The following HEG1 variants were observed in gnomAD, a reference collection of about 807,000 sequenced individuals.
The protein encoded by HEG1 is heart development protein with EGF like domains 1.
A neutral mutation model predicts 125.6 loss-of-function variants in HEG1; 56 were observed. The observed-to-expected ratio is 0.45, with a 90% confidence interval of 0.36 to 0.56. The LOEUF (loss-of-function observed/expected upper bound fraction) is 0.56, where lower values mean the gene tolerates loss of function less well. HEG1 is among the 20% of genes least tolerant of loss of function. The pLI is 0.00. For missense variants in HEG1, 1,523 were observed against 1,670.0 expected (o/e 0.91, Z 1.53); for synonymous variants, 644 against 668.5 (o/e 0.96, Z 0.57).
chr3:125,052,816 C>T (rs527344752), intron 1 of HEG1, among the ~76,000 whole-genome samples: 6 of 152,308 alleles, frequency 3.9e-5, no homozygotes, highest in African/African-American at 1.4e-4. Context: ...TCTCCAGGGA[C>T]TTACAGTCTA....
chr3:125,027,551 A>G (rs1937435955), intron 2 of HEG1, 44 bp from the exon 3 acceptor site: 1 of 1,505,668 alleles, frequency 6.6e-7, no homozygotes, highest in Non-Finnish European at 9.0e-7. Flanking sequence ...AGCAGACTTC[A>G]AAATGTCTTA....
intron 1 of HEG1, among the ~76,000 whole-genome samples, chr3:125,032,421 G>C (rs967384978): frequency 6.6e-6 from 1 of 152,192 alleles, no homozygotes; most frequent in African/African-American, 2.4e-5. Context: ...CTTCCTGGAG[G>C]GGGAGGGAAG....
chr3:124,983,421 C>CA (rs35027050), intron 14 of HEG1, among the ~76,000 whole-genome samples: 50,124 of 151,380 alleles, frequency 0.33, 8,783 homozygotes, highest in East Asian at 0.48. Flanking sequence ...ACTGTAACCT[C>CA]ACCCCCCAGC....
rs1412806923 is a variant in HEG1 at position 124,973,804 on chromosome 3, C to A, written c.3923G>T (p.Gly1308Val). Residue 1308 changes from glycine (G) to valine (V), a missense_variant, in exon 16 of 17, where the codon GGC becomes GTC. Coordinates refer to ENST00000311127, the MANE Select transcript of HEG1 (RefSeq NM_020733.2). Reference sequence around the variant, plus strand: ...CTCATGCATTTCAATAGCTTCTCGGCCCCATTCTTGTGAGCGAGGATTTTT... The same window carrying A: ...CTCATGCATTTCAATAGCTTCTCGGACCCATTCTTGTGAGCGAGGATTTTT... ...YPKNPRSQEW[G>V]REAIEMHENG... 2 of 1,613,730 alleles carry A rather than the reference C, an allele frequency of 1.2e-6. No homozygotes were observed. Among genetic ancestry groups the A allele is most frequent in the South Asian group, 2.2e-5 (2 of 91,080 alleles).
intron 15 of HEG1, among the ~76,000 whole-genome samples, chr3:124,976,074 T>C (rs1007284147): frequency 1.3e-5 from 2 of 152,226 alleles, no homozygotes; most frequent in African/African-American, 4.8e-5. Context: ...TGTCTTTAAC[T>C]TTCAGACTTT....
rs1164677705 is a variant in HEG1 at position 125,010,464 on chromosome 3, G to A, written c.3048C>T (p.Ser1016=). The change falls in exon 7 of 17, where the codon TCC becomes TCT. Residue 1016 remains serine (S), a synonymous_variant. Transcript: ENST00000311127. ...SRGYHCRCPP[S]WQGDDCSVDV... is the part of the protein sequence containing the mutation. The stretch of plus-strand genomic sequence containing the variant: ...CCACACTGCAATCATCCCCTTGCCA[G>A]GAAGGCGGGCACCTGCAGTGGTAGC... 6.4e-7 allele frequency: 1 copy of A among 1,556,196 alleles called. No homozygotes were observed. The highest frequency in any genetic ancestry group is 8.7e-7 in the Non-Finnish European group (1 of 1,149,136).
chr3:125,010,468 G>A lies in HEG1; in HGVS notation c.3044C>T (p.Pro1015Leu). Residue 1015 changes from proline (P) to leucine (L), a missense_variant, in exon 7 of 17, where the codon CCT becomes CTT. Physicochemically the swap from Pro to Leu is moderately conservative, Grantham distance 98. Coordinates refer to ENST00000311127, the MANE Select transcript of HEG1 (RefSeq NM_020733.2). Reference protein sequence around the residue: ...TSRGYHCRCPPSWQGDDCSVD... With the variant: ...TSRGYHCRCPLSWQGDDCSVD... ...ACTGCAATCATCCCCTTGCCAGGAA[G>A]GCGGGCACCTGCAGTGGTAGCCACG... The A allele has an allele frequency of 6.4e-7, 1 of 1,557,314 alleles. No homozygotes were observed. Among genetic ancestry groups the A allele is most frequent in the Non-Finnish European group, 8.7e-7 (1 of 1,149,652 alleles).
At chr3:125,007,198 CAAAAAAAAA>C (rs1212172102) in intron 8 of HEG1, among the ~76,000 whole-genome samples, 2 of 54,708 alleles carry the variant, frequency 3.7e-5, no homozygotes, top group East Asian at 5.7e-4. Flanking sequence ...GACTCCGTCT[CAAAAAAAAA>C]AAAAAAAAAA....
chr3:125,016,664 T>C (rs543462524), intron 5 of HEG1, among the ~76,000 whole-genome samples: 12 of 152,338 alleles, frequency 7.9e-5, no homozygotes, highest in Non-Finnish European at 1.3e-4. Flanking sequence ...GCATATGCTT[T>C]TCCACATCAC....
chr3:125,020,876 T>A lies in HEG1; in HGVS notation c.1168A>T (p.Asn390Tyr). Residue 390 changes from asparagine (N) to tyrosine (Y), a missense_variant, in exon 4 of 17, where the codon AAT becomes TAT. Transcript: ENST00000311127. ...ESRRNSRVTG[N>Y]PGDEEFIEPS... The stretch of plus-strand genomic sequence containing the variant: ...TCAATGAATTCCTCATCCCCTGGAT[T>A]CCCAGTTACTCTACTGTTTCTTCTC... The A allele has an allele frequency of 6.2e-7, 1 of 1,614,046 alleles. No homozygotes were observed. The highest frequency in any genetic ancestry group is 1.7e-5 in the Admixed American group (1 of 60,024).
chr3:125,031,753 C>CATGCACACATACACAT (rs1937506084), intron 1 of HEG1, among the ~76,000 whole-genome samples: 2 of 151,504 alleles, frequency 1.3e-5, no homozygotes, highest in African/African-American at 4.9e-5. Context: ...CACACATACA[C>CATGCACACATACACAT]ATGCACACAT....
intron 14 of HEG1, among the ~76,000 whole-genome samples, chr3:124,980,880 G>C (rs1936637566): frequency 6.7e-6 from 1 of 148,752 alleles, no homozygotes; most frequent in Non-Finnish European, 1.5e-5. Flanking sequence ...TTTTGAGACA[G>C]GTCTCACTAT....
In HEG1 at chr3:125,055,981, G is replaced by A. The variant is rs1937933809; in HGVS notation, c.-91C>T. 3 of 666,232 alleles carry A rather than the reference G, an allele frequency of 4.5e-6. No individual in the cohort carries two copies. The highest frequency in any genetic ancestry group is 6.4e-5 in the South Asian group (1 of 15,714). The allele number at this position is 666,232 out of a possible 1,614,324, so 41.3% of individuals were successfully genotyped here. On this transcript the variant is annotated 5_prime_UTR_variant, in exon 1 of 17. Transcript: ENST00000311127. ...CGGGCGGCGGGGGCCGCGCGGGGCC[G>A]GGGAAGTGAGCGGAGTGAGGCTGCG... is the stretch of plus-strand genomic sequence containing the variant.
At position 125,012,624 on chromosome 3, in the gene HEG1, T is replaced by C; in HGVS notation, c.2955A>G (p.Ser985=). 6.2e-7 allele frequency: 1 copy of C among 1,611,612 alleles called. No individual in the cohort carries two copies. Among genetic ancestry groups the C allele is most frequent in the Non-Finnish European group, 8.5e-7 (1 of 1,178,684 alleles). The change falls in exon 6 of 17, where the codon TCA becomes TCG. Residue 985 remains serine, a splice_region_variant and synonymous_variant. Coordinates refer to ENST00000311127, the MANE Select transcript of HEG1 (RefSeq NM_020733.2). ...TGTGCTTGTGTGACTGTGTTTTACC[T>C]GAGGCTGAAGAGGACACTGTTGTTG... ...QSPTTVSSSA[S]VNSCAVNPCL...
chr3:125,037,672 G>A (rs1691136861), intron 1 of HEG1, among the ~76,000 whole-genome samples: 1 of 152,228 alleles, frequency 6.6e-6, no homozygotes, highest in African/African-American at 2.4e-5. Context: ...GCTGCCTTCT[G>A]TGGTTACACC....
At position 125,013,001 on chromosome 3, in the gene HEG1, G is replaced by A. The variant is rs1206386231; in HGVS notation, c.2578C>T (p.Leu860=). 2.5e-6 allele frequency: 4 copies of A among 1,614,038 alleles called. No individual in the cohort carries two copies. The highest frequency in any genetic ancestry group is 3.3e-5 in the Admixed American group (2 of 60,020). Residue 860 remains leucine, a synonymous_variant, in exon 6 of 17, where the codon CTG becomes TTG. Coordinates refer to ENST00000311127, the MANE Select transcript of HEG1 (RefSeq NM_020733.2). ...GTGACCAGAGATGCTGTGCTTGACA[G>A]GGTGCCAGGAGTGGTCATAAGAGGC... ...SQPLMTTPGT[L]SSTASLVTGP...
At chr3:125,003,507 C>T (rs1215714407) in intron 9 of HEG1, among the ~76,000 whole-genome samples, 1 of 152,212 alleles carries the variant, frequency 6.6e-6, no homozygotes, top group Non-Finnish European at 1.5e-5. Context: ...GGCCTTTGCT[C>T]TTGGATCCTG....
Position 125,002,031 on chromosome 3 carries a change from G to C in HEG1, c.3357-19C>G. 1 of 1,613,540 alleles carries C rather than the reference G, an allele frequency of 6.2e-7. No homozygotes were observed. Among genetic ancestry groups the C allele is most frequent in the Non-Finnish European group, 8.5e-7 (1 of 1,179,686 alleles). On this transcript the variant is annotated intron_variant, in intron 10 of 16. Transcript: ENST00000311127. ...GGACTCCCTATAGGCAAAGTTTGTGGGTTTTTAACAGCCCTGAAATGACAC... is the reference window on the plus strand; with the variant it reads ...GGACTCCCTATAGGCAAAGTTTGTGCGTTTTTAACAGCCCTGAAATGACAC...
intron 12 of HEG1, among the ~76,000 whole-genome samples, chr3:124,994,357 C>T (rs2107693135): frequency 6.6e-6 from 1 of 152,300 alleles, no homozygotes; most frequent in Admixed American, 6.5e-5. Context: ...ACCCCTGCCC[C>T]AGAGGTATTC....
Sources: allele counts gnomAD v4.1 joint callset (sites outside exome capture counted in the v4.1 genomes callset), GRCh38; gene constraint gnomAD v4.1.1; transcripts MANE v1.5; gene names NCBI Gene and HGNC (gene_info 2026-07-23, HGNC 2026-07-21).